Variants in CPNE4 observed in about 807,000 individuals in gnomAD.
The protein encoded by CPNE4 is copine-4.
CPNE4 carries 25 observed loss-of-function variants against 67.9 expected under a neutral mutation model. That is an observed-to-expected ratio of 0.37 (90% CI 0.27 to 0.51). The LOEUF (loss-of-function observed/expected upper bound fraction) is 0.51, where lower values mean the gene tolerates loss of function less well. Ranked by LOEUF, CPNE4 falls within the 20% of genes least tolerant of loss-of-function variation. The probability of loss-of-function intolerance (pLI) is 0.93; values close to 1 mark genes in which losing one functional copy is unlikely to be tolerated. For synonymous variants in CPNE4, 242 were observed against 244.9 expected (o/e 0.99, Z 0.11); for missense variants, 464 against 690.8 (o/e 0.67, Z 3.68).
At chr3:131,897,182 G>C (rs2088371445) in intron 2 of CPNE4, among the ~76,000 whole-genome samples, 1 of 152,066 alleles carries the variant, frequency 6.6e-6, no homozygotes, top group Admixed American at 6.6e-5. Flanking sequence ...AACTGGATGA[G>C]AGAGGTGCAG....
At chr3:131,856,066 T>C (rs890042399) in intron 2 of CPNE4, among the ~76,000 whole-genome samples, 1 of 151,966 alleles carries the variant, frequency 6.6e-6, no homozygotes, top group Admixed American at 6.6e-5. Flanking sequence ...CAGTATTTTC[T>C]AAATATCTGG....
chr3:131,757,098 G>A (rs986260135), intron 2 of CPNE4, among the ~76,000 whole-genome samples: 1 of 152,144 alleles, frequency 6.6e-6, no homozygotes, highest in South Asian at 2.1e-4. Context: ...GACTAATACA[G>A]TAAATTGGTA....
At chr3:131,564,837 G>A (rs1442000397) in intron 10 of CPNE4, among the ~76,000 whole-genome samples, 1 of 152,052 alleles carries the variant, frequency 6.6e-6, no homozygotes, top group South Asian at 2.1e-4. Context: ...CAGATGCAGA[G>A]AGATGTGTTA....
At chr3:131,957,148 G>A (rs533226499) in intron 1 of CPNE4, among the ~76,000 whole-genome samples, 4 of 152,122 alleles carry the variant, frequency 2.6e-5, no homozygotes, top group African/African-American at 9.7e-5. Flanking sequence ...AACTGCTGAC[G>A]TCTATTCTGT....
At chr3:131,852,546 T>C (rs541465698) in intron 2 of CPNE4, among the ~76,000 whole-genome samples, 313 of 152,090 alleles carry the variant, frequency 2.1e-3, no homozygotes, top group African/African-American at 7.1e-3. Flanking sequence ...ATGACAAACC[T>C]GGAGCTGACA....
intron 11 of CPNE4, among the ~76,000 whole-genome samples, chr3:131,563,279 C>T (rs1159968296): frequency 6.6e-6 from 1 of 152,024 alleles, no homozygotes; most frequent in African/African-American, 2.4e-5. Context: ...CAATTTGTTG[C>T]TGCTCATTAC....
intron 2 of CPNE4, among the ~76,000 whole-genome samples, chr3:131,878,865 C>T (rs1282030785): frequency 6.6e-6 from 1 of 152,204 alleles, no homozygotes. Context: ...ATATTTAGTG[C>T]CAATCAGGTG....
chr3:131,978,113 TATATATAA>T (rs1428962086), intron 1 of CPNE4, among the ~76,000 whole-genome samples: 1,391 of 59,998 alleles, frequency 0.023, 10 homozygotes, highest in Middle Eastern at 0.046. Flanking sequence ...ATATATAAAA[TATATATAA>T]ATATATATAT....
intron 3 of CPNE4, among the ~76,000 whole-genome samples, chr3:131,704,025 G>A (rs2081362423): frequency 6.6e-6 from 1 of 152,188 alleles, no homozygotes; most frequent in South Asian, 2.1e-4. Flanking sequence ...CTTTAGTTGT[G>A]AATCCCATGA....
chr3:131,601,660 G>C (rs1008990030), intron 7 of CPNE4, among the ~76,000 whole-genome samples: 1 of 152,162 alleles, frequency 6.6e-6, no homozygotes, highest in Non-Finnish European at 1.5e-5. Flanking sequence ...AGCCTGAAGG[G>C]ACAACCGGAT....
At chr3:132,021,195 C>A (rs1237482888) in intron 1 of CPNE4, among the ~76,000 whole-genome samples, 1 of 152,098 alleles carries the variant, frequency 6.6e-6, no homozygotes, top group Non-Finnish European at 1.5e-5. Context: ...CAAGAAGGAT[C>A]CTTAGAGATT....
At chr3:131,981,062 G>A (rs2072894707) in intron 1 of CPNE4, among the ~76,000 whole-genome samples, 1 of 152,186 alleles carries the variant, frequency 6.6e-6, no homozygotes, top group African/African-American at 2.4e-5. Context: ...GGGTCTCTCA[G>A]TGGTGGATAC....
chr3:132,018,396 G>A (rs898321462), intron 1 of CPNE4, among the ~76,000 whole-genome samples: 1 of 152,206 alleles, frequency 6.6e-6, no homozygotes, highest in African/African-American at 2.4e-5. Context: ...CTCCTGAGGA[G>A]AAGCAAAGCA....
rs61794907 is a variant in CPNE4, at chr3:132,011,111, C to T, written c.-2+23456G>A. ...ATAGGCCTGCTGCTAGCCCATAGGG[C>T]GACTTTGTGCAAATTAGCAAAGTCA... is the stretch of plus-strand genomic sequence containing the variant. On this transcript the variant is annotated intron_variant, in intron 1 of 15. Transcript: ENST00000429747. Among the ~76,000 whole-genome samples, 191 of 152,312 alleles carry T rather than the reference C, an allele frequency of 1.3e-3. 2 individuals are homozygous for T. The highest frequency in any genetic ancestry group is 1.9e-3 in the South Asian group (9 of 4,830).
At chr3:131,791,732 C>G (rs1187167553) in intron 2 of CPNE4, among the ~76,000 whole-genome samples, 1 of 152,056 alleles carries the variant, frequency 6.6e-6, no homozygotes, top group Non-Finnish European at 1.5e-5. Context: ...GTGGTGTTTC[C>G]CGATTTGAAG....
intron 2 of CPNE4, among the ~76,000 whole-genome samples, chr3:131,852,242 G>T (rs1377675677): frequency 6.6e-6 from 1 of 151,922 alleles, no homozygotes; most frequent in Non-Finnish European, 1.5e-5. Flanking sequence ...AGAAAAATAT[G>T]ATGGTTGTGT....
intron 2 of CPNE4, among the ~76,000 whole-genome samples, chr3:131,879,942 C>T (rs1464610652): frequency 6.6e-6 from 1 of 151,998 alleles, no homozygotes; most frequent in Non-Finnish European, 1.5e-5. Flanking sequence ...TTCCTGGGCT[C>T]CTCTTCCCAA....
chr3:131,586,129 G>A (rs1335245591), intron 8 of CPNE4, among the ~76,000 whole-genome samples: 2 of 152,050 alleles, frequency 1.3e-5, no homozygotes, highest in African/African-American at 2.4e-5. Flanking sequence ...TCTCTAATTA[G>A]CACTTCTGAT....
intron 3 of CPNE4, among the ~76,000 whole-genome samples, chr3:131,717,888 T>TTC (rs1491068099): frequency 0.021 from 956 of 46,378 alleles, 68 homozygotes; most frequent in Non-Finnish European, 0.036. Flanking sequence ...CTTTCTTTCT[T>TTC]TCTTTCTTTC....
Sources: allele counts gnomAD v4.1 joint callset (sites outside exome capture counted in the v4.1 genomes callset), GRCh38; gene constraint gnomAD v4.1.1; transcripts MANE v1.5; gene names NCBI Gene and HGNC (gene_info 2026-07-23, HGNC 2026-07-21).